Variants in SLC35D4 observed in about 807,000 individuals in gnomAD.
SLC35D4 encodes the protein UDP-N-acetylglucosamine transporter SLC35D4.
chr18:23,390,004 TAAATC>T, the SLC35D4 span, among the ~76,000 whole-genome samples: 1 of 152,216 alleles, frequency 6.6e-6, no homozygotes, highest in Non-Finnish European at 1.5e-5. Context: ...TTATTTTTGT[TAAATC>T]AAACAAAAAT....
the SLC35D4 span, chr18:23,253,985 G>A: frequency 6.5e-7 from 1 of 1,531,164 alleles, no homozygotes; most frequent in South Asian, 1.1e-5. Flanking sequence ...CTCCGGTCCG[G>A]GGTTCCTCTC....
the SLC35D4 span, among the ~76,000 whole-genome samples, chr18:23,269,163 C>A: frequency 6.6e-6 from 1 of 152,172 alleles, no homozygotes; most frequent in African/African-American, 2.4e-5. Flanking sequence ...GTGTCCCCAC[C>A]CAAAGCTCAT....
chr18:23,272,851 T>C, the SLC35D4 span, among the ~76,000 whole-genome samples: 1 of 152,216 alleles, frequency 6.6e-6, no homozygotes, highest in African/African-American at 2.4e-5. Context: ...TCTTGAAGCG[T>C]TGGACCCTCT....
the SLC35D4 span, chr18:23,253,206 G>A: frequency 1.0e-4 from 62 of 609,088 alleles, no homozygotes; most frequent in Non-Finnish European, 1.6e-4. Context: ...AGGACAGCCG[G>A]GCATGGTGGC....
chr18:23,348,992 C>G, the SLC35D4 span, among the ~76,000 whole-genome samples: 1 of 152,118 alleles, frequency 6.6e-6, no homozygotes, highest in Non-Finnish European at 1.5e-5. Flanking sequence ...AATGTGTCAC[C>G]CCACTTGCCT....
chr18:23,352,092 G>C, the SLC35D4 span: 3 of 935,536 alleles, frequency 3.2e-6, no homozygotes, highest in Non-Finnish European at 4.9e-6. Flanking sequence ...ACAGCGCCTA[G>C]AAGTGGTCTC....
chr18:23,376,853 T>C, the SLC35D4 span: 1 of 456,636 alleles, frequency 2.2e-6, no homozygotes, highest in Non-Finnish European at 4.4e-6. Flanking sequence ...TCATGAGCTT[T>C]ACCGCCTCTC....
At chr18:23,279,833 A>G in the SLC35D4 span, among the ~76,000 whole-genome samples, 1 of 152,178 alleles carries the variant, frequency 6.6e-6, no homozygotes, top group Admixed American at 6.6e-5. Context: ...ACACACACAT[A>G]TATACATATA....
At chr18:23,275,010 T>C in the SLC35D4 span, among the ~76,000 whole-genome samples, 1 of 27,738 alleles carries the variant, frequency 3.6e-5, no homozygotes, top group African/African-American at 3.5e-4. Flanking sequence ...TGCTTGTGTA[T>C]GTGTGTGCTT....
the SLC35D4 span, among the ~76,000 whole-genome samples, chr18:23,375,475 G>T: frequency 6.6e-6 from 1 of 152,184 alleles, no homozygotes; most frequent in South Asian, 2.1e-4. Flanking sequence ...TGCAAAAAAT[G>T]TTACCAATGG....
chr18:23,353,856 G>GC, the SLC35D4 span, among the ~76,000 whole-genome samples: 2 of 152,254 alleles, frequency 1.3e-5, no homozygotes, highest in Admixed American at 6.5e-5. Context: ...AGGTTCAGTT[G>GC]CCTTAAAGTA....
chr18:23,367,054 G>A, the SLC35D4 span, among the ~76,000 whole-genome samples: 2 of 152,040 alleles, frequency 1.3e-5, no homozygotes, highest in Non-Finnish European at 2.9e-5. Flanking sequence ...ATAACTTCAG[G>A]AGGAGAAGTG....
the SLC35D4 span, among the ~76,000 whole-genome samples, chr18:23,403,915 C>T: frequency 1.3e-5 from 2 of 152,204 alleles, no homozygotes; most frequent in African/African-American, 2.4e-5. Context: ...GTCAGGTGAT[C>T]GAGAACATCC....
chr18:23,377,723 C>A, the SLC35D4 span: 1 of 1,455,950 alleles, frequency 6.9e-7, no homozygotes, highest in Middle Eastern at 2.4e-4. Flanking sequence ...TTTTTAAATT[C>A]CTCTTAAAAG....
chr18:23,291,191 G>A, the SLC35D4 span, among the ~76,000 whole-genome samples: 1 of 152,218 alleles, frequency 6.6e-6, no homozygotes, highest in African/African-American at 2.4e-5. Flanking sequence ...CGTCTGGGCT[G>A]AGGTCAGCTG....
chr18:23,429,800 G>A, the SLC35D4 span, among the ~76,000 whole-genome samples: 1 of 152,158 alleles, frequency 6.6e-6, no homozygotes, highest in African/African-American at 2.4e-5. Context: ...CCACTTGCAT[G>A]TCTTGTTTTG....
At chr18:23,274,224 C>T in the SLC35D4 span, among the ~76,000 whole-genome samples, 15 of 152,326 alleles carry the variant, frequency 9.8e-5, no homozygotes, top group East Asian at 1.7e-3. Context: ...ACATAAGCCA[C>T]GGCTCCCAGC....
the SLC35D4 span, among the ~76,000 whole-genome samples, chr18:23,401,659 G>A: frequency 2.0e-5 from 3 of 152,324 alleles, no homozygotes; most frequent in South Asian, 6.2e-4. Flanking sequence ...GAGGAAGGAG[G>A]AGGTGCACTG....
At chr18:23,265,443 C>T in the SLC35D4 span, among the ~76,000 whole-genome samples, 13 of 151,684 alleles carry the variant, frequency 8.6e-5, no homozygotes, top group South Asian at 2.1e-4. Flanking sequence ...TCATCAAGTA[C>T]GGGCAATCTG....
Sources: allele counts gnomAD v4.1 joint callset (sites outside exome capture counted in the v4.1 genomes callset), GRCh38; gene constraint gnomAD v4.1.1; transcripts MANE v1.5; gene names NCBI Gene and HGNC (gene_info 2026-07-23, HGNC 2026-07-21).